PIK3C2G: variants seen among roughly 807,000 people sequenced by gnomAD.
PIK3C2G encodes phosphatidylinositol-4-phosphate 3-kinase catalytic subunit type 2 gamma, also known as phosphatidylinositol 3-kinase C2 domain-containing subunit gamma.
PIK3C2G carries 168 observed loss-of-function variants against 181.1 expected under a neutral mutation model. The ratio of observed to expected loss-of-function variants is 0.93; its 90% CI spans 0.82 to 1.05. PIK3C2G has a LOEUF of 1.05. Ranked by LOEUF, PIK3C2G falls within the 50% of genes least tolerant of loss-of-function variation. PIK3C2G has a pLI of 0.00. For synonymous variants in PIK3C2G, 573 were observed against 592.2 expected (o/e 0.97, Z 0.47); for missense variants, 1,869 against 1,732.8 (o/e 1.08, Z -1.40).
chr12:18,709,854 T>A, the PIK3C2G span, among the ~76,000 whole-genome samples: 1 of 152,170 alleles, frequency 6.6e-6, no homozygotes, highest in South Asian at 2.1e-4. Context: ...GTTTTATAGT[T>A]TTCAGTATAC....
At chr12:18,670,116 G>A in the PIK3C2G span, among the ~76,000 whole-genome samples, 1 of 152,196 alleles carries the variant, frequency 6.6e-6, no homozygotes, top group East Asian at 1.9e-4. Context: ...GGGAATGTTT[G>A]GAGAGGACAT....
chr12:18,721,434 T>C, the PIK3C2G span, among the ~76,000 whole-genome samples: 1 of 151,960 alleles, frequency 6.6e-6, no homozygotes, highest in African/African-American at 2.4e-5. Flanking sequence ...TTGAGGCAGG[T>C]GAAGGCTCAA....
Position 18,647,959 on chromosome 12 carries a change from T to G in PIK3C2G, c.4392T>G (p.Ile1464Met), listed in dbSNP as rs1439698050. 2 of 1,602,884 alleles carry G rather than the reference T, an allele frequency of 1.2e-6. No homozygotes were observed. Among genetic ancestry groups the G allele is most frequent in the Non-Finnish European group, 1.7e-6 (2 of 1,173,206 alleles). ...GTAAAACTGTATTTGTGGGAGCAAT[T>G]AACATCCGACTCTGTAGTGTCCCAC... ...VKSKTVFVGA[I>M]NIRLCSVPLD... The change falls in exon 33 of 33, where the codon ATT (isoleucine) becomes ATG (methionine). Residue 1464 changes from isoleucine to methionine, a missense_variant. Transcript: ENST00000538779.
intron 18 of PIK3C2G, among the ~76,000 whole-genome samples, chr12:18,475,625 T>C (rs1938912617): frequency 6.6e-6 from 1 of 152,052 alleles, no homozygotes. Context: ...ATGATCTGAA[T>C]CCTCAAATCA....
the PIK3C2G span, among the ~76,000 whole-genome samples, chr12:18,716,622 T>C: frequency 1.1e-4 from 16 of 152,216 alleles, no homozygotes; most frequent in African/African-American, 3.6e-4. Context: ...CTTCGGCTGC[T>C]AGGAAACTTA....
chr12:18,522,822 C>T (rs1943004213), intron 24 of PIK3C2G, among the ~76,000 whole-genome samples: 1 of 151,966 alleles, frequency 6.6e-6, no homozygotes, highest in African/African-American at 2.4e-5. Flanking sequence ...ATTAAATATG[C>T]TTTCTAGGCC....
intron 29 of PIK3C2G, among the ~76,000 whole-genome samples, chr12:18,569,023 C>G (rs183263492): frequency 1.7e-3 from 262 of 152,110 alleles, no homozygotes; most frequent in Middle Eastern, 6.8e-3. Flanking sequence ...GCTTTGCCAC[C>G]CTCCCATCAA....
intron 24 of PIK3C2G, among the ~76,000 whole-genome samples, chr12:18,528,889 T>C (rs1943388010): frequency 6.6e-6 from 1 of 152,158 alleles, no homozygotes; most frequent in African/African-American, 2.4e-5. Context: ...CTTTAAAGTC[T>C]CATATGTACT....
intron 8 of PIK3C2G, among the ~76,000 whole-genome samples, chr12:18,334,455 C>T (rs1938318136): frequency 6.6e-6 from 1 of 151,872 alleles, no homozygotes; most frequent in African/African-American, 2.4e-5. Context: ...TTCTTTTTTG[C>T]CAAGCTAAAA....
At chr12:18,244,688 A>G (rs1312142584), upstream of PIK3C2G, among the ~76,000 whole-genome samples, 1 of 152,138 alleles carries the variant, frequency 6.6e-6, no homozygotes, top group African/African-American at 2.4e-5. Flanking sequence ...GATGCTATCA[A>G]GCTGCTTCCA....
chr12:18,509,021 A>ATAT (rs879297181), intron 24 of PIK3C2G, among the ~76,000 whole-genome samples: 61 of 151,906 alleles, frequency 4.0e-4, no homozygotes, highest in Admixed American at 1.1e-3. Flanking sequence ...GGTTTACACA[A>ATAT]TATTATTATT....
chr12:18,665,719 G>A, the PIK3C2G span, among the ~76,000 whole-genome samples: 3 of 152,032 alleles, frequency 2.0e-5, no homozygotes, highest in Admixed American at 6.6e-5. Context: ...GGTGGATCAC[G>A]AGGTCAGGAG....
intron 24 of PIK3C2G, among the ~76,000 whole-genome samples, chr12:18,507,916 C>T (rs1941944628): frequency 6.6e-6 from 1 of 152,216 alleles, no homozygotes; most frequent in Non-Finnish European, 1.5e-5. Flanking sequence ...GTTGATGCTA[C>T]AGCAGCTACT....
At chr12:18,620,073 C>G (rs1948781791) in intron 31 of PIK3C2G, among the ~76,000 whole-genome samples, 1 of 151,984 alleles carries the variant, frequency 6.6e-6, no homozygotes, top group African/African-American at 2.4e-5. Flanking sequence ...CCAGGCATGA[C>G]ACATTTGGTA....
chr12:18,407,796 T>C (rs981405027), intron 16 of PIK3C2G, among the ~76,000 whole-genome samples: 4 of 152,104 alleles, frequency 2.6e-5, no homozygotes, highest in African/African-American at 9.7e-5. Flanking sequence ...AGAAGGATTT[T>C]CCGGGAAGAA....
At chr12:18,636,190 G>T (rs1160493855) in intron 31 of PIK3C2G, among the ~76,000 whole-genome samples, 1 of 152,182 alleles carries the variant, frequency 6.6e-6, no homozygotes, top group Non-Finnish European at 1.5e-5. Flanking sequence ...TGCTGGTCTT[G>T]TCAGCTGAAA....
chr12:18,298,396 T>C (rs1015226952), intron 5 of PIK3C2G, among the ~76,000 whole-genome samples: 3 of 136,144 alleles, frequency 2.2e-5, no homozygotes, highest in Non-Finnish European at 4.9e-5. Context: ...ATTTTTAGTT[T>C]GTGTGTTTTT....
chr12:18,450,404 G>A (rs1357074321), intron 18 of PIK3C2G, among the ~76,000 whole-genome samples: 1 of 152,180 alleles, frequency 6.6e-6, no homozygotes, highest in Non-Finnish European at 1.5e-5. Flanking sequence ...GGGATCACAG[G>A]TGTGAGCCAC....
chr12:18,720,978 G>A, the PIK3C2G span, among the ~76,000 whole-genome samples: 47 of 152,048 alleles, frequency 3.1e-4, no homozygotes, highest in Non-Finnish European at 4.7e-4. Flanking sequence ...ATAAAAGCTA[G>A]AAGAAAATAA....
Sources: gnomAD v4.1 joint callset for allele counts (sites outside exome capture counted in the v4.1 genomes callset) on GRCh38, gnomAD v4.1.1 for gene constraint, MANE v1.5 for transcripts, NCBI Gene and HGNC (gene_info 2026-07-23, HGNC 2026-07-21) for gene names.